TMEM68: variants seen among roughly 807,000 people sequenced by gnomAD.
The protein encoded by TMEM68 is transmembrane protein 68.
A neutral mutation model predicts 36.9 loss-of-function variants in TMEM68; 25 were observed. The ratio of observed to expected loss-of-function variants is 0.68; its 90% CI spans 0.49 to 0.95. The LOEUF (loss-of-function observed/expected upper bound fraction) is 0.95. TMEM68 is among the 40% of genes least tolerant of loss of function. TMEM68 has a pLI of 0.00. For synonymous variants in TMEM68, 131 were observed against 124.4 expected, an observed-to-expected ratio of 1.05 and a Z score of -0.35; for missense variants, 333 against 392.0, an observed-to-expected ratio of 0.85 and a Z score of 1.27.
intron 1 of TMEM68, among the ~76,000 whole-genome samples, chr8:55,767,676 A>G (rs575735572): frequency 7.9e-5 from 12 of 152,226 alleles, no homozygotes; most frequent in Admixed American, 3.3e-4. Context: ...AGTGGCTCAC[A>G]CCTGTAAACC....
rs200764580 is a variant in TMEM68 at position 55,752,030 on chromosome 8, G to A, written c.494-873C>T. On this transcript the variant is annotated intron_variant, in intron 4 of 7. Transcript: ENST00000434581. ...TCAAGACCAGCCTGGCCAATGTGGT[G>A]AAACCCTGCCTCTACTAAAAATACA... Among the ~76,000 whole-genome samples the A allele has an allele frequency of 5.9e-5, 9 of 151,530 alleles. No individual in the cohort carries two copies. In the East Asian group the frequency reaches 1.6e-3, roughly 26 times the overall value.
At chr8:55,760,547 A>G (rs532362018) in intron 3 of TMEM68, among the ~76,000 whole-genome samples, 1 of 152,380 alleles carries the variant, frequency 6.6e-6, no homozygotes, top group Admixed American at 6.5e-5. Flanking sequence ...AGACAAAAGT[A>G]AAGTCCAGAA....
At chr8:55,770,003 G>A (rs1811102459) in intron 1 of TMEM68, among the ~76,000 whole-genome samples, 1 of 152,072 alleles carries the variant, frequency 6.6e-6, no homozygotes, top group African/African-American at 2.4e-5. Flanking sequence ...AACTATCAGA[G>A]GAATTTGAAT....
At chr8:55,752,391 A>G (rs991332982) in intron 4 of TMEM68, among the ~76,000 whole-genome samples, 1 of 152,056 alleles carries the variant, frequency 6.6e-6, no homozygotes, top group Non-Finnish European at 1.5e-5. Context: ...GTTTGAGACC[A>G]GCCTGGCCAA....
intron 1 of TMEM68, among the ~76,000 whole-genome samples, chr8:55,767,461 T>C (rs1340362427): frequency 3.3e-5 from 5 of 152,140 alleles, no homozygotes; most frequent in African/African-American, 1.2e-4. Context: ...AGATGTCTAT[T>C]GGACATCCAA....
At chr8:55,765,533 C>G (rs1810937795) in intron 1 of TMEM68, among the ~76,000 whole-genome samples, 1 of 152,214 alleles carries the variant, frequency 6.6e-6, no homozygotes, top group South Asian at 2.1e-4. Flanking sequence ...GAATACCTTA[C>G]ATGTAATCAG....
rs184273476 is a variant in TMEM68 at position 55,742,005 on chromosome 8, G to A, written c.888+1476C>T. Among the ~76,000 whole-genome samples, 21 of 152,216 alleles carry A rather than the reference G, an allele frequency of 1.4e-4. No homozygotes were observed. In the East Asian group the frequency reaches 3.7e-3, roughly 27 times the overall value. On this transcript the variant is annotated intron_variant, in intron 7 of 7. Transcript: ENST00000434581. ...TGGGAGACGGAGGTTGCATTGAGTC[G>A]AGACTGCACCACTGCACTGCAGCCA...
intron 7 of TMEM68, among the ~76,000 whole-genome samples, chr8:55,742,385 T>C (rs1322636125): frequency 2.0e-5 from 3 of 152,208 alleles, no homozygotes; most frequent in African/African-American, 7.2e-5. Context: ...TACATGTATG[T>C]GTTTTTACCA....
intron 3 of TMEM68, chr8:55,761,051 C>G (rs999014577): frequency 6.6e-6 from 1 of 152,036 alleles, no homozygotes; most frequent in African/African-American, 2.4e-5. Flanking sequence ...CACATAATAC[C>G]AAACCACCTG....
Position 55,740,114 on chromosome 8 carries a change from C to G in TMEM68, c.*18G>C. 6.3e-7 allele frequency: 1 copy of G among 1,595,982 alleles called. No homozygotes were observed. The highest frequency in any genetic ancestry group is 8.6e-7 in the Non-Finnish European group (1 of 1,166,058). ...TAATATAAATGTACTAAATCATCTT[C>G]TAGTTGACCCTTTGTTATCAATGAA... is the stretch of plus-strand genomic sequence containing the variant. On this transcript the variant is annotated 3_prime_UTR_variant, in exon 8 of 8. Transcript: ENST00000434581.
chr8:55,745,068 T>C lies in TMEM68; in HGVS notation c.741A>G (p.Gly247=). ...QNIREGFRSL[G]GTRLFRWLYE... ...ATACAAATCAGAACTTACTTGTTCC[T>C]CCAAGTGATCTAAATCCTTCTCGAA... Residue 247 remains glycine, a synonymous_variant, in exon 6 of 8, where the codon GGA becomes GGG. Coordinates refer to ENST00000434581, the MANE Select transcript of TMEM68 (RefSeq NM_001286657.2). 6.7e-7 allele frequency: 1 copy of C among 1,495,266 alleles called. No homozygotes were observed. The allele number at this position is 1,495,266 out of a possible 1,614,324, so 92.6% of individuals were successfully genotyped here. A position where few individuals can be genotyped will look rare whatever the true frequency, so the allele number is the denominator to read the frequency against.
At chr8:55,758,508 A>G (rs1317780382) in intron 3 of TMEM68, among the ~76,000 whole-genome samples, 1 of 152,256 alleles carries the variant, frequency 6.6e-6, no homozygotes, top group African/African-American at 2.4e-5. Context: ...ACTATAAAAT[A>G]ACTATGATTA....
chr8:55,754,568 A>G (rs936311072), intron 4 of TMEM68, among the ~76,000 whole-genome samples: 1 of 138,586 alleles, frequency 7.2e-6, no homozygotes, highest in African/African-American at 2.7e-5. Context: ...CATATTATAT[A>G]TTTATATTAT....
At chr8:55,766,152 T>A (rs1810956813) in intron 1 of TMEM68, among the ~76,000 whole-genome samples, 1 of 152,112 alleles carries the variant, frequency 6.6e-6, no homozygotes, top group Non-Finnish European at 1.5e-5. Context: ...GTTGCTATGT[T>A]ATATAAGGCA....
intron 1 of TMEM68, among the ~76,000 whole-genome samples, chr8:55,768,030 A>G (rs1371763409): frequency 6.6e-6 from 1 of 152,206 alleles, no homozygotes; most frequent in Non-Finnish European, 1.5e-5. Context: ...TCCTTGCAGA[A>G]GCAGTATCCT....
intron 4 of TMEM68, among the ~76,000 whole-genome samples, chr8:55,754,615 A>T (rs1368469361): frequency 7.5e-6 from 1 of 133,500 alleles, no homozygotes; most frequent in Non-Finnish European, 1.5e-5. Flanking sequence ...TATTTATATT[A>T]TATATAAAAT....
chr8:55,772,379 G>A (rs957065576), intron 1 of TMEM68, among the ~76,000 whole-genome samples: 5 of 152,228 alleles, frequency 3.3e-5, no homozygotes, highest in African/African-American at 9.6e-5. Flanking sequence ...TGTCTCTGAA[G>A]AAGTTGCCCG....
At chr8:55,766,988 G>T (rs1267458945) in intron 1 of TMEM68, among the ~76,000 whole-genome samples, 1 of 152,064 alleles carries the variant, frequency 6.6e-6, no homozygotes, top group Non-Finnish European at 1.5e-5. Context: ...GGGAGGCTCT[G>T]CCACTTACCA....
At chr8:55,763,551 C>T (rs1810870336) in intron 2 of TMEM68, 1 of 152,132 alleles carries the variant, frequency 6.6e-6, no homozygotes. Context: ...CCATGCCTGG[C>T]TAATTTTTGT....
Sources: gnomAD v4.1 joint callset for allele counts (sites outside exome capture counted in the v4.1 genomes callset) on GRCh38, gnomAD v4.1.1 for gene constraint, MANE v1.5 for transcripts, NCBI Gene and HGNC (gene_info 2026-07-23, HGNC 2026-07-21) for gene names.